ROBO1: variants seen among roughly 807,000 people sequenced by gnomAD.
The protein encoded by ROBO1 is roundabout homolog 1.
ROBO1 carries 149 observed loss-of-function variants against 195.9 expected under a neutral mutation model. The ratio of observed to expected loss-of-function variants is 0.76; its 90% confidence interval spans 0.67 to 0.87. The LOEUF is 0.87. Ranked by LOEUF, ROBO1 falls within the 40% of genes least tolerant of loss-of-function variation. The probability of loss-of-function intolerance (pLI) is 0.00; values close to 1 mark genes in which losing one functional copy is unlikely to be tolerated. For synonymous variants in ROBO1, 816 were observed against 733.2 expected (o/e 1.11, Z -1.82); for missense variants, 1,933 against 2,068.3 (o/e 0.93, Z 1.27).
At chr3:78,822,684 T>C (rs1039874118) in intron 4 of ROBO1, among the ~76,000 whole-genome samples, 1 of 152,186 alleles carries the variant, frequency 6.6e-6, no homozygotes, top group Non-Finnish European at 1.5e-5. Context: ...TAAAAATTAT[T>C]TCTGCCTTCC....
At chr3:79,210,346 GA>G (rs1394200185) in intron 2 of ROBO1, among the ~76,000 whole-genome samples, 3 of 152,166 alleles carry the variant, frequency 2.0e-5, no homozygotes, top group East Asian at 3.9e-4. Flanking sequence ...ACAGAATCGA[GA>G]ACCCAGAAAT....
intron 18 of ROBO1, among the ~76,000 whole-genome samples, chr3:78,656,436 C>A (rs1478556246): frequency 4.0e-5 from 6 of 150,586 alleles, no homozygotes; most frequent in Admixed American, 1.3e-4. Flanking sequence ...CTGCAAGCTC[C>A]GCCTCCCAGG....
At chr3:79,698,051 C>T (rs576851957) in intron 1 of ROBO1, among the ~76,000 whole-genome samples, 1 of 151,310 alleles carries the variant, frequency 6.6e-6, no homozygotes, top group Non-Finnish European at 1.5e-5. Flanking sequence ...CAGCATTAAG[C>T]ATTAAAAATT....
At chr3:79,432,398 G>A (rs756490966) in intron 2 of ROBO1, among the ~76,000 whole-genome samples, 5 of 152,128 alleles carry the variant, frequency 3.3e-5, no homozygotes, top group East Asian at 1.9e-4. Flanking sequence ...GAATAAACTC[G>A]AGACCATTAC....
At chr3:79,615,354 T>C (rs1206420916) in intron 1 of ROBO1, among the ~76,000 whole-genome samples, 2 of 152,164 alleles carry the variant, frequency 1.3e-5, no homozygotes, top group Non-Finnish European at 2.9e-5. Flanking sequence ...AGTTGTTCCA[T>C]ATTTCCAGAC....
chr3:79,668,212 C>T (rs1297707708), intron 1 of ROBO1, among the ~76,000 whole-genome samples: 1 of 151,554 alleles, frequency 6.6e-6, no homozygotes, highest in East Asian at 1.9e-4. Context: ...AAATGACTTT[C>T]TAAGGGTAGA....
intron 2 of ROBO1, among the ~76,000 whole-genome samples, chr3:79,161,522 C>T (rs78927604): frequency 0.054 from 8,208 of 151,738 alleles, 292 homozygotes; most frequent in Middle Eastern, 0.099. Flanking sequence ...TACACATAGA[C>T]GAGGGTCTTT....
intron 1 of ROBO1, among the ~76,000 whole-genome samples, chr3:79,593,740 A>T (rs745632570): frequency 2.7e-4 from 41 of 151,918 alleles, no homozygotes; most frequent in Non-Finnish European, 5.4e-4. Context: ...CCTCCTGAGT[A>T]GCTGGGACAA....
At chr3:78,803,452 AG>A (rs2108587128) in intron 4 of ROBO1, among the ~76,000 whole-genome samples, 1 of 152,278 alleles carries the variant, frequency 6.6e-6, no homozygotes, top group Non-Finnish European at 1.5e-5. Flanking sequence ...AAAATATGAT[AG>A]ATTTTTTTAA....
chr3:78,755,388 C>T (rs188730056), intron 4 of ROBO1, among the ~76,000 whole-genome samples: 4 of 152,056 alleles, frequency 2.6e-5, no homozygotes, highest in Non-Finnish European at 4.4e-5. Flanking sequence ...GTAGGAGGAT[C>T]GCTTGAGCCT....
chr3:79,194,183 C>G (rs942171277), intron 2 of ROBO1, among the ~76,000 whole-genome samples: 1 of 151,564 alleles, frequency 6.6e-6, no homozygotes, highest in Non-Finnish European at 1.5e-5. Flanking sequence ...ATGTTATTTT[C>G]TTATTTATAG....
intron 2 of ROBO1, among the ~76,000 whole-genome samples, chr3:79,196,273 T>TC (rs1012730357): frequency 3.4e-5 from 5 of 146,906 alleles, no homozygotes; most frequent in Non-Finnish European, 6.0e-5. Context: ...GAGAAGAGTT[T>TC]CTTTTTTTTT....
chr3:78,829,064 G>A (rs559014760), intron 4 of ROBO1, among the ~76,000 whole-genome samples: 25 of 152,228 alleles, frequency 1.6e-4, no homozygotes, highest in African/African-American at 1.4e-4. Context: ...GTTTGCAGCC[G>A]GGTAAGGAAA....
At chr3:78,903,651 T>G (rs2037720958) in intron 4 of ROBO1, among the ~76,000 whole-genome samples, 1 of 151,968 alleles carries the variant, frequency 6.6e-6, no homozygotes, top group African/African-American at 2.4e-5. Context: ...AAATTCGACT[T>G]TATGTAAGTG....
chr3:79,245,937 T>C (rs1432502940), intron 2 of ROBO1, among the ~76,000 whole-genome samples: 1 of 152,094 alleles, frequency 6.6e-6, no homozygotes, highest in Non-Finnish European at 1.5e-5. Flanking sequence ...CACTTTTCCC[T>C]TTACTGGGGG....
chr3:79,228,183 G>A (rs1200785401), intron 2 of ROBO1, among the ~76,000 whole-genome samples: 3 of 151,948 alleles, frequency 2.0e-5, no homozygotes, highest in African/African-American at 7.3e-5. Flanking sequence ...AGGAAAAGAA[G>A]AAGAAAAAGG....
At chr3:79,101,290 T>C (rs1015699424) in intron 3 of ROBO1, among the ~76,000 whole-genome samples, 3 of 151,826 alleles carry the variant, frequency 2.0e-5, no homozygotes, top group Non-Finnish European at 4.4e-5. Flanking sequence ...TAGCCACAAA[T>C]GAGCTTTGCC....
intron 3 of ROBO1, among the ~76,000 whole-genome samples, chr3:79,041,220 C>T (rs1241248535): frequency 1.3e-5 from 2 of 152,114 alleles, no homozygotes; most frequent in African/African-American, 4.8e-5. Context: ...ATATAGCACT[C>T]GTCATACTTC....
At chr3:78,987,447 AG>A (rs1488172583) in intron 3 of ROBO1, among the ~76,000 whole-genome samples, 1 of 152,158 alleles carries the variant, frequency 6.6e-6, no homozygotes, top group Non-Finnish European at 1.5e-5. Flanking sequence ...AGAAGAGTGA[AG>A]GCAAGTAATA....
Sources: gnomAD v4.1 joint callset for allele counts (sites outside exome capture counted in the v4.1 genomes callset) on GRCh38, gnomAD v4.1.1 for gene constraint, MANE v1.5 for transcripts, NCBI Gene and HGNC (gene_info 2026-07-23, HGNC 2026-07-21) for gene names.